Variants in BMPR1B observed in about 807,000 individuals in gnomAD.
BMPR1B encodes the protein bone morphogenetic protein receptor type-1B.
In BMPR1B, 12 loss-of-function variants were observed where a neutral mutation model predicts 59.1. The ratio of observed to expected loss-of-function variants is 0.20; its 90% CI spans 0.13 to 0.33. The LOEUF is 0.33. Ranked by LOEUF, BMPR1B falls within the 10% of genes least tolerant of loss-of-function variation. The probability of loss-of-function intolerance (pLI) is 1.00; values close to 1 mark genes in which losing one functional copy is unlikely to be tolerated. For synonymous variants in BMPR1B, 237 were observed against 207.3 expected, an observed-to-expected ratio of 1.14 and a Z score of -1.23; for missense variants, 550 against 610.9, an observed-to-expected ratio of 0.90 and a Z score of 1.05.
In BMPR1B at chr4:94,863,533, A is replaced by G. The variant is rs1426925549; in HGVS notation, c.-182-12298A>G. Among the ~76,000 whole-genome samples, 9 of 152,344 alleles carry G rather than the reference A, an allele frequency of 5.9e-5. No individual in the cohort carries two copies. In the East Asian group the frequency reaches 9.6e-4, roughly 16 times the overall value. ...CCAGGCTGTTCAAAGTGAAAGGTGA[A>G]GAAAATAGCCCTCTGTATTTAGTTT... On this transcript the variant is annotated intron_variant, in intron 1 of 12. Coordinates refer to ENST00000515059, the MANE Select transcript of BMPR1B (RefSeq NM_001203.3).
intron 2 of BMPR1B, among the ~76,000 whole-genome samples, chr4:94,981,041 T>C (rs1241555057): frequency 8.0e-6 from 1 of 124,664 alleles, no homozygotes; most frequent in Non-Finnish European, 1.7e-5. Context: ...GAAGTTGTCA[T>C]TTTAACTCAT....
At chr4:95,036,569 G>T (rs1725257088) in intron 3 of BMPR1B, among the ~76,000 whole-genome samples, 1 of 152,048 alleles carries the variant, frequency 6.6e-6, no homozygotes, top group African/African-American at 2.4e-5. Context: ...TGGCTGAATA[G>T]TATTCTACTG....
chr4:94,774,276 T>G (rs1324214183), intron 1 of BMPR1B, among the ~76,000 whole-genome samples: 4 of 152,074 alleles, frequency 2.6e-5, no homozygotes, highest in Admixed American at 1.3e-4. Flanking sequence ...GAGCATTTGC[T>G]CTTAGTATAA....
chr4:94,828,188 G>A (rs1423615429), intron 1 of BMPR1B, among the ~76,000 whole-genome samples: 2 of 152,062 alleles, frequency 1.3e-5, no homozygotes, highest in Non-Finnish European at 2.9e-5. Flanking sequence ...CTAATTAATA[G>A]GATTAATAAC....
At chr4:94,976,374 T>G (rs1235969145) in intron 2 of BMPR1B, among the ~76,000 whole-genome samples, 1 of 152,172 alleles carries the variant, frequency 6.6e-6, no homozygotes, top group Non-Finnish European at 1.5e-5. Context: ...CTCCAAGGCT[T>G]GAGTGTCAGA....
chr4:94,955,922 G>A (rs1395679323), intron 2 of BMPR1B, among the ~76,000 whole-genome samples: 13 of 152,110 alleles, frequency 8.5e-5, no homozygotes, highest in South Asian at 2.1e-4. Context: ...TTTAGCCACC[G>A]TGCCTGGCCA....
chr4:94,822,255 C>T (rs1376768086), intron 1 of BMPR1B, among the ~76,000 whole-genome samples: 10 of 152,148 alleles, frequency 6.6e-5, no homozygotes, highest in Non-Finnish European at 1.3e-4. Flanking sequence ...AAGGTCCCAC[C>T]TCCCAACACC....
intron 2 of BMPR1B, among the ~76,000 whole-genome samples, chr4:94,887,394 A>AC (rs772427928): frequency 0.013 from 964 of 72,876 alleles, 11 homozygotes; most frequent in Non-Finnish European, 0.02. Context: ...CTTCACCCCC[A>AC]CCCCCCACCA....
chr4:95,021,807 T>G (rs529511669), intron 3 of BMPR1B, among the ~76,000 whole-genome samples: 4 of 152,218 alleles, frequency 2.6e-5, no homozygotes, highest in African/African-American at 9.6e-5. Context: ...GCTTGGAGAT[T>G]GGCGGAAATA....
Position 95,155,342 on chromosome 4 carries a change from A to G in BMPR1B, c.*669A>G, listed in dbSNP as rs2149333772. 2.0e-5 allele frequency: 3 copies of G among 152,412 alleles called. No homozygotes were observed. In the Middle Eastern group the frequency reaches 0.01, roughly 518 times the overall value. 9.4% of individuals were successfully genotyped at this position (152,412 alleles called of 1,614,324 possible). A position where few individuals can be genotyped will look rare whatever the true frequency, so the allele number is the denominator to read the frequency against. Reference sequence around the variant, plus strand: ...GTGGCCTTTTGCAGCTTCAGGCAATATGGAACAAATGAAGGTTTATGTGAC... The same window carrying G: ...GTGGCCTTTTGCAGCTTCAGGCAATGTGGAACAAATGAAGGTTTATGTGAC... On this transcript the variant is annotated 3_prime_UTR_variant, in exon 13 of 13. Coordinates refer to ENST00000515059, the MANE Select transcript of BMPR1B (RefSeq NM_001203.3).
At chr4:95,040,848 A>T (rs1725603885) in intron 3 of BMPR1B, among the ~76,000 whole-genome samples, 1 of 152,104 alleles carries the variant, frequency 6.6e-6, no homozygotes, top group South Asian at 2.1e-4. Context: ...ACAAACTCAG[A>T]CTCTTCCAGT....
chr4:95,077,792 G>A (rs1728824514), intron 3 of BMPR1B, among the ~76,000 whole-genome samples: 2 of 152,132 alleles, frequency 1.3e-5, no homozygotes, highest in African/African-American at 2.4e-5. Context: ...GTCTGAATCT[G>A]TTTAACATAC....
intron 2 of BMPR1B, among the ~76,000 whole-genome samples, chr4:94,905,193 G>A (rs1331658657): frequency 6.6e-6 from 1 of 151,948 alleles, no homozygotes; most frequent in Non-Finnish European, 1.5e-5. Flanking sequence ...TGGCCTAATA[G>A]CATGAATTAA....
chr4:94,791,222 C>G (rs1432102879), intron 1 of BMPR1B, among the ~76,000 whole-genome samples: 3 of 152,138 alleles, frequency 2.0e-5, no homozygotes, highest in African/African-American at 4.8e-5. Context: ...CTCCTGATCT[C>G]AAGTGATCCA....
intron 1 of BMPR1B, among the ~76,000 whole-genome samples, chr4:94,838,087 T>C (rs1483874068): frequency 1.4e-5 from 2 of 144,674 alleles, no homozygotes; most frequent in Non-Finnish European, 3.1e-5. Context: ...ATTGAACCAG[T>C]CTTGCATCCC....
At chr4:95,096,774 G>A (rs369000855) in intron 3 of BMPR1B, among the ~76,000 whole-genome samples, 3 of 83,932 alleles carry the variant, frequency 3.6e-5, no homozygotes, top group African/African-American at 1.3e-4. Context: ...ACTATGTATA[G>A]TTATATATAA....
At chr4:95,133,625 G>T (rs1379289838) in intron 10 of BMPR1B, among the ~76,000 whole-genome samples, 1 of 151,994 alleles carries the variant, frequency 6.6e-6, no homozygotes, top group Non-Finnish European at 1.5e-5. Context: ...AGACTGGAGT[G>T]CAGTGGCACC....
At chr4:95,080,152 T>C (rs887089759) in intron 3 of BMPR1B, among the ~76,000 whole-genome samples, 1 of 152,214 alleles carries the variant, frequency 6.6e-6, no homozygotes, top group African/African-American at 2.4e-5. Flanking sequence ...ACAAATCATC[T>C]CTTATACTCA....
chr4:94,771,064 A>G (rs917588936), intron 1 of BMPR1B, among the ~76,000 whole-genome samples: 6 of 152,192 alleles, frequency 3.9e-5, no homozygotes, highest in Non-Finnish European at 5.9e-5. Context: ...AAAAGAGGTG[A>G]CATTGAGACT....
Sources: gnomAD v4.1 joint callset for allele counts (sites outside exome capture counted in the v4.1 genomes callset) on GRCh38, gnomAD v4.1.1 for gene constraint, MANE v1.5 for transcripts, NCBI Gene and HGNC (gene_info 2026-07-23, HGNC 2026-07-21) for gene names.